Variants in WDR44 observed in about 807,000 individuals in gnomAD.
WDR44 encodes the protein WD repeat-containing protein 44.
Under a neutral mutation model 65.7 loss-of-function variants are expected in WDR44, and 9 were observed. That is an observed-to-expected ratio of 0.14 (90% CI 0.08 to 0.24). The LOEUF is 0.24. Among genes scored for constraint, WDR44 ranks in the 10% least tolerant of loss-of-function variants. The probability of loss-of-function intolerance (pLI) is 1.00; values close to 1 mark genes in which losing one functional copy is unlikely to be tolerated. For synonymous variants in WDR44, 220 were observed against 235.2 expected, an observed-to-expected ratio of 0.94 and a Z score of 0.59; for missense variants, 425 against 670.9, an observed-to-expected ratio of 0.63 and a Z score of 4.05.
At chrX:118,395,088 A>G (rs1168049695) in intron 5 of WDR44, among the ~76,000 whole-genome samples, 161 bp from the exon 6 acceptor site, 1 of 112,280 alleles carries the variant, frequency 8.9e-6, no homozygotes, top group African/African-American at 3.2e-5. Context: ...GTTTTTCAGC[A>G]TGCTGGGAAA....
chrX:118,424,728 C>G (rs1207538615), intron 12 of WDR44, among the ~76,000 whole-genome samples: 1 of 110,610 alleles, frequency 9.0e-6, no homozygotes, highest in Non-Finnish European at 1.9e-5. Context: ...TCTATTTTTG[C>G]TTTTGCTGCT....
At chrX:118,439,694 TTGAG>T (rs759424172) in intron 14 of WDR44, among the ~76,000 whole-genome samples, 3 of 111,316 alleles carry the variant, frequency 2.7e-5, no homozygotes, top group Non-Finnish European at 5.7e-5. Flanking sequence ...CTGGTACACA[TTGAG>T]TGAGCTTACA....
At chrX:118,442,785 T>C (rs375189833) in intron 17 of WDR44, 105 bp downstream of exon 17, 3 of 600,147 alleles carry the variant, frequency 5.0e-6, no homozygotes, top group East Asian at 3.4e-5. Context: ...CTTTTCACTT[T>C]TGCAAGTAGT....
At chrX:118,437,585 C>G (rs1263258963) in intron 14 of WDR44, among the ~76,000 whole-genome samples, 1 of 112,220 alleles carries the variant, frequency 8.9e-6, no homozygotes, top group African/African-American at 3.2e-5. Context: ...GTGTCCTCAT[C>G]TTTATATGTT....
At chrX:118,357,952 T>G (rs2056476389) in intron 1 of WDR44, among the ~76,000 whole-genome samples, 1 of 110,958 alleles carries the variant, frequency 9.0e-6, no homozygotes, top group South Asian at 3.8e-4. Flanking sequence ...GGCGGGCAGA[T>G]CATGAGGTCA....
chrX:118,376,668 T>G (rs1389693370), intron 1 of WDR44, among the ~76,000 whole-genome samples: 1 of 110,174 alleles, frequency 9.1e-6, no homozygotes, highest in Admixed American at 9.7e-5. Context: ...AAAAAAAAAA[T>G]GTGGGGGAAA....
intron 12 of WDR44, among the ~76,000 whole-genome samples, chrX:118,425,354 TAAG>T (rs2057146823): frequency 8.9e-6 from 1 of 112,175 alleles, no homozygotes; most frequent in African/African-American, 3.2e-5. Context: ...GAACAAACTA[TAAG>T]AAGATAAGGA....
At chrX:118,347,146 AGATC>A (rs2056359056) in intron 1 of WDR44, among the ~76,000 whole-genome samples, 2 of 111,914 alleles carry the variant, frequency 1.8e-5, no homozygotes, top group Admixed American at 1.9e-4. Flanking sequence ...AATGTACTCT[AGATC>A]AACAGTGTTT....
chrX:118,369,418 G>A (rs900052176), intron 1 of WDR44, among the ~76,000 whole-genome samples: 10 of 105,497 alleles, frequency 9.5e-5, no homozygotes, highest in Admixed American at 2.1e-4. Context: ...TGATCCGCCC[G>A]CCTCGGCCTC....
At chrX:118,424,049 T>G (rs2057128748) in intron 12 of WDR44, among the ~76,000 whole-genome samples, 1 of 110,171 alleles carries the variant, frequency 9.1e-6, no homozygotes, top group South Asian at 3.8e-4. Flanking sequence ...TGAATAATGC[T>G]GCAGTGAACA....
Position 118,346,512 on chromosome X carries a change from G to C in WDR44, c.9G>C (p.Ser3=). MA[S]ESDTEEFYDA... ...GCGGGTGTGTCCTATAAATGGCGTCGGAAAGCGACACCGAGGAATTCTATG... is the reference window on the plus strand; with the variant it reads ...GCGGGTGTGTCCTATAAATGGCGTCCGAAAGCGACACCGAGGAATTCTATG... The change falls in exon 1 of 20, where the codon TCG becomes TCC. Residue 3 remains serine (S), a synonymous_variant. Transcript: ENST00000254029. The C allele has an allele frequency of 8.3e-7, 1 of 1,207,656 alleles. No individual in the cohort carries two copies.
At chrX:118,366,495 C>T (rs899054922) in intron 1 of WDR44, among the ~76,000 whole-genome samples, 4 of 111,336 alleles carry the variant, frequency 3.6e-5, no homozygotes, top group Non-Finnish European at 7.5e-5. Flanking sequence ...GGATGAGCAA[C>T]CTACTTTCTT....
rs747874632 is a variant in WDR44 at position 118,392,960 on chromosome X, A to C, written c.515A>C (p.Glu172Ala). Residue 172 changes from glutamate to alanine, a missense_variant, in exon 4 of 20, where the codon GAA becomes GCA. Physicochemically the swap from Glu to Ala is moderately radical, Grantham distance 107. Transcript: ENST00000254029. Reference protein sequence around the residue: ...STEQLNVLETETEVLNKEAVE... With the variant: ...STEQLNVLETATEVLNKEAVE... ...GAGCAGCTTAATGTGCTTGAAACTGAAACAGAAGTATTGAACAAGGAAGCA... is the reference window on the plus strand; with the variant it reads ...GAGCAGCTTAATGTGCTTGAAACTGCAACAGAAGTATTGAACAAGGAAGCA... 1 of 1,212,391 alleles carries C rather than the reference A, an allele frequency of 8.2e-7. No homozygotes were observed.
intron 2 of WDR44, among the ~76,000 whole-genome samples, chrX:118,382,791 C>G (rs150717629): frequency 1.4e-3 from 162 of 111,917 alleles, no homozygotes; most frequent in African/African-American, 5.1e-3. Flanking sequence ...AGCTACCATA[C>G]CTTTTAAGGA....
At chrX:118,365,439 C>G (rs1311249226) in intron 1 of WDR44, among the ~76,000 whole-genome samples, 1 of 109,296 alleles carries the variant, frequency 9.1e-6, no homozygotes, top group African/African-American at 3.3e-5. Context: ...CCTGGGAGGT[C>G]GAGGCTGCAG....
intron 15 of WDR44, among the ~76,000 whole-genome samples, chrX:118,441,930 T>C (rs979776745): frequency 3.6e-5 from 4 of 110,413 alleles, no homozygotes; most frequent in African/African-American, 9.9e-5. Context: ...TTGGTAGAGA[T>C]GGGATTTCAA....
At chrX:118,443,514 T>C (rs6603414) in intron 17 of WDR44, 46 bp from the exon 18 acceptor site, 58,281 of 1,185,428 alleles carry the variant, frequency 0.049, 6,392 homozygotes, top group African/African-American at 0.43. Flanking sequence ...TTTAAACATA[T>C]ACACACACAC....
chrX:118,355,819 AAC>A (rs1398360883), intron 1 of WDR44, among the ~76,000 whole-genome samples: 1 of 111,326 alleles, frequency 9.0e-6, no homozygotes, highest in African/African-American at 3.3e-5. Context: ...GTCACCCTTA[AAC>A]ACACACAGGT....
intron 12 of WDR44, among the ~76,000 whole-genome samples, chrX:118,429,206 T>A (rs1189596803): frequency 9.0e-6 from 1 of 111,235 alleles, no homozygotes; most frequent in Non-Finnish European, 1.9e-5. Context: ...ACTTAAGAAG[T>A]ATTATTTTTT....
Sources: gnomAD v4.1 joint callset for allele counts (sites outside exome capture counted in the v4.1 genomes callset) on GRCh38, gnomAD v4.1.1 for gene constraint, MANE v1.5 for transcripts, NCBI Gene and HGNC (gene_info 2026-07-23, HGNC 2026-07-21) for gene names.